Variants in ATP1B3 observed in about 807,000 individuals in gnomAD.
ATP1B3 encodes sodium/potassium-transporting ATPase subunit beta-3.
In ATP1B3, 10 loss-of-function variants were observed where a neutral mutation model predicts 30.2. The observed-to-expected ratio is 0.33, with a 90% CI of 0.20 to 0.56. ATP1B3 has a LOEUF of 0.56. Ranked by LOEUF, ATP1B3 falls within the 20% of genes least tolerant of loss-of-function variation. The pLI is 0.90. For synonymous variants in ATP1B3, 113 were observed against 117.0 expected (o/e 0.97, Z 0.22); for missense variants, 238 against 336.7 (o/e 0.71, Z 2.29).
chr3:141,907,274 C>G lies in ATP1B3; in HGVS notation c.346C>G (p.Pro116Ala). The G allele has an allele frequency of 6.2e-7, 1 of 1,604,080 alleles. No individual in the cohort carries two copies. Among genetic ancestry groups the G allele is most frequent in the Non-Finnish European group, 8.5e-7 (1 of 1,174,126 alleles). Residue 116 changes from proline to alanine, a missense_variant and splice_region_variant, in exon 3 of 7, where the codon CCA becomes GCA. By Grantham distance (27) the Pro-to-Ala change is conservative (BLOSUM62 -1). Coordinates refer to ENST00000286371, the MANE Select transcript of ATP1B3 (RefSeq NM_001679.4). ...YIEDLKKFLK[P>A]YTLEEQKNLT... ...TGAAGACCTTAAGAAGTTTCTAAAA[C>G]GTGAGTATGTTTTCTTAGAGTAAGG...
intron 1 of ATP1B3, among the ~76,000 whole-genome samples, chr3:141,885,216 A>G (rs760264663): frequency 6.6e-6 from 1 of 152,126 alleles, no homozygotes; most frequent in Non-Finnish European, 1.5e-5. Context: ...TTTGTGGCCC[A>G]TATCCCCATT....
At chr3:141,912,364 C>G (rs1576398646) in intron 3 of ATP1B3, among the ~76,000 whole-genome samples, 1 of 152,156 alleles carries the variant, frequency 6.6e-6, no homozygotes, top group Non-Finnish European at 1.5e-5. Flanking sequence ...TCAAGCGATT[C>G]TCCTGCCTCA....
intron 1 of ATP1B3, among the ~76,000 whole-genome samples, chr3:141,896,285 A>G (rs1243329990): frequency 2.6e-5 from 4 of 151,772 alleles, no homozygotes; most frequent in Admixed American, 2.0e-4. Flanking sequence ...CCTGGCCAAT[A>G]TGGTGAAACC....
At chr3:141,907,866 A>G (rs1328835748) in intron 3 of ATP1B3, among the ~76,000 whole-genome samples, 1 of 152,130 alleles carries the variant, frequency 6.6e-6, no homozygotes, top group Non-Finnish European at 1.5e-5. Flanking sequence ...GAAATGTAAC[A>G]TTTATTCTGC....
chr3:141,886,471 A>C (rs1933836712), intron 1 of ATP1B3, among the ~76,000 whole-genome samples: 1 of 152,226 alleles, frequency 6.6e-6, no homozygotes, highest in African/African-American at 2.4e-5. Context: ...TCTATCACCC[A>C]GCTCACAATG....
At chr3:141,883,556 T>A (rs1259991621) in intron 1 of ATP1B3, among the ~76,000 whole-genome samples, 6 of 152,182 alleles carry the variant, frequency 3.9e-5, no homozygotes, top group Non-Finnish European at 7.3e-5. Flanking sequence ...AAAACCTTTT[T>A]CTATCATAGC....
At chr3:141,902,777 T>C (rs1389310092) in intron 1 of ATP1B3, 2 of 153,836 alleles carry the variant, frequency 1.3e-5, no homozygotes, top group African/African-American at 2.4e-5. Flanking sequence ...CTTGTCCTTT[T>C]TTCACTTTTG....
intron 1 of ATP1B3, among the ~76,000 whole-genome samples, chr3:141,878,024 T>G (rs1933641810): frequency 6.6e-6 from 1 of 152,176 alleles, no homozygotes; most frequent in African/African-American, 2.4e-5. Context: ...GAAAATAAAC[T>G]GTTGGTGCAG....
chr3:141,923,139 A>G (rs1433955086), intron 6 of ATP1B3, among the ~76,000 whole-genome samples: 1 of 151,494 alleles, frequency 6.6e-6, no homozygotes, highest in East Asian at 2.0e-4. Context: ...TTAGCCGGGC[A>G]TAGTGGTGGG....
chr3:141,903,840 G>A, intron 2 of ATP1B3, 92 bp downstream of exon 2: 2 of 1,462,690 alleles, frequency 1.4e-6, no homozygotes, highest in South Asian at 2.5e-5. Context: ...GGAATGCAGT[G>A]GCATGATCTT....
chr3:141,890,087 T>A (rs1299306836), intron 1 of ATP1B3, among the ~76,000 whole-genome samples: 1 of 31,590 alleles, frequency 3.2e-5, no homozygotes, highest in South Asian at 7.1e-4. Context: ...ATTTTTTTTC[T>A]TTTTTTTTTT....
At chr3:141,903,798 T>G (rs1432857440) in intron 2 of ATP1B3, 50 bp downstream of exon 2, 3 of 1,585,946 alleles carry the variant, frequency 1.9e-6, no homozygotes, top group Non-Finnish European at 2.6e-6. Flanking sequence ...GTTTTTTTTT[T>G]GAGACAGAGT....
intron 1 of ATP1B3, among the ~76,000 whole-genome samples, chr3:141,886,229 A>G (rs1420342277): frequency 6.6e-6 from 1 of 151,938 alleles, no homozygotes; most frequent in Non-Finnish European, 1.5e-5. Context: ...CCCACACCCC[A>G]TTATGCACCC....
intron 1 of ATP1B3, among the ~76,000 whole-genome samples, chr3:141,898,993 T>C (rs1171474625): frequency 6.6e-6 from 1 of 152,164 alleles, no homozygotes; most frequent in Non-Finnish European, 1.5e-5. Flanking sequence ...AAGCCATGTA[T>C]TACATGATTC....
intron 1 of ATP1B3, chr3:141,902,092 A>G (rs752789505): frequency 3.7e-5 from 47 of 1,261,684 alleles, no homozygotes; most frequent in Non-Finnish European, 4.8e-5. Context: ...TCTATAGCAA[A>G]CTGTTTACTT....
At chr3:141,888,709 T>C (rs1933880857) in intron 1 of ATP1B3, among the ~76,000 whole-genome samples, 1 of 152,080 alleles carries the variant, frequency 6.6e-6, no homozygotes, top group Non-Finnish European at 1.5e-5. Context: ...GGTAATTGAA[T>C]CATGGGGGCA....
chr3:141,903,529 A>G (rs1196977425), intron 1 of ATP1B3, 91 bp from the exon 2 acceptor site: 3 of 1,562,196 alleles, frequency 1.9e-6, no homozygotes, highest in South Asian at 1.1e-5. Context: ...GTACCCTTGC[A>G]AGAACAGTTG....
intron 1 of ATP1B3, among the ~76,000 whole-genome samples, chr3:141,882,041 TGATGTAATTC>T (rs372972102): frequency 1.8e-3 from 267 of 152,274 alleles, no homozygotes; most frequent in African/African-American, 6.0e-3. Flanking sequence ...TCCCCACCCC[TGATGTAATTC>T]GATTTCTTTG....
At position 141,908,752 on chromosome 3, in the gene ATP1B3, T is replaced by A. The variant is rs544989553; in HGVS notation, c.346+1478T>A. The stretch of plus-strand genomic sequence containing the variant: ...ATTATTTCCAACTTTCACTCAAGCC[T>A]CTAACCCCTTACCTTTTTCCTTACA... On this transcript the variant is annotated intron_variant, in intron 3 of 6. Transcript: ENST00000286371. Among the ~76,000 whole-genome samples, 9 of 152,340 alleles carry A rather than the reference T, an allele frequency of 5.9e-5. No homozygotes were observed. In the South Asian group the frequency reaches 1.7e-3, roughly 28 times the overall value.
Sources: allele counts gnomAD v4.1 joint callset (sites outside exome capture counted in the v4.1 genomes callset), GRCh38; gene constraint gnomAD v4.1.1; transcripts MANE v1.5; gene names NCBI Gene and HGNC (gene_info 2026-07-23, HGNC 2026-07-21).